The following NUP210L variants were observed in gnomAD, a reference collection of about 807,000 sequenced individuals.
NUP210L encodes nucleoporin 210 like.
Under a neutral mutation model 208.5 loss-of-function variants are expected in NUP210L, and 74 were observed. The observed-to-expected ratio is 0.35, with a 90% CI of 0.29 to 0.43. NUP210L has a LOEUF of 0.43. NUP210L is among the 20% of genes least tolerant of loss of function. NUP210L has a pLI of 1.00. For synonymous variants in NUP210L, 780 were observed against 816.9 expected, an observed-to-expected ratio of 0.95 and a Z score of 0.77; for missense variants, 1,843 against 2,289.4, an observed-to-expected ratio of 0.81 and a Z score of 3.98.
chr1:154,077,611 G>C (rs1227734326), intron 16 of NUP210L, among the ~76,000 whole-genome samples: 1 of 152,152 alleles, frequency 6.6e-6, no homozygotes, highest in Non-Finnish European at 1.5e-5. Flanking sequence ...ATCTGGAAAA[G>C]ATAATTACAT....
chr1:154,071,123 G>A lies in NUP210L; in HGVS notation c.2362-658C>T, dbSNP rs139671438. Reference sequence around the variant, plus strand: ...TTTTTTGTTTTTTTTTTGAGACAGGGTATCTCTCAGTTGCATGGGCTGGAG... The same window carrying A: ...TTTTTTGTTTTTTTTTTGAGACAGGATATCTCTCAGTTGCATGGGCTGGAG... On this transcript the variant is annotated intron_variant, in intron 16 of 39. Coordinates refer to ENST00000368559, the Ensembl canonical transcript of NUP210L. 2.9e-3 allele frequency among the ~76,000 whole-genome samples: 430 copies of A among 150,430 alleles called. 13 individuals are homozygous for A. In the East Asian group the frequency reaches 0.068, roughly 24 times the overall value.
At chr1:154,125,682 GAA>G (rs1282125372) in intron 10 of NUP210L, among the ~76,000 whole-genome samples, 296 of 6,262 alleles carry the variant, frequency 0.047, 18 homozygotes, top group Non-Finnish European at 0.13. Flanking sequence ...AGGAAGGAAG[GAA>G]GGAAGGAAGG....
At chr1:154,033,624 G>A (rs900305531) in intron 27 of NUP210L, among the ~76,000 whole-genome samples, 1 of 152,130 alleles carries the variant, frequency 6.6e-6, no homozygotes, top group African/African-American at 2.4e-5. Flanking sequence ...TTTTATGCAA[G>A]TGTCATTGCT....
At chr1:154,089,705 A>G in intron 15 of NUP210L, 111 bp from the exon 16 acceptor site, 1 of 843,734 alleles carries the variant, frequency 1.2e-6, no homozygotes. Flanking sequence ...AGTCCCTTTC[A>G]CATTATAATC....
intron 30 of NUP210L, among the ~76,000 whole-genome samples, chr1:154,025,334 TTTC>T (rs148066483): frequency 1.1e-4 from 16 of 146,998 alleles, no homozygotes; most frequent in South Asian, 2.2e-4. Flanking sequence ...TCCCAGAGAG[TTTC>T]TTCTTCTTCT....
chr1:154,027,082 AAAAAAAAAAAAAAAC>A (rs1173638166), intron 29 of NUP210L, among the ~76,000 whole-genome samples: 87 of 5,536 alleles, frequency 0.016, no homozygotes, highest in Non-Finnish European at 0.038. Context: ...GACTGTCTCA[AAAAAAAAAAAAAAAC>A]AAAAAAAAAA....
At chr1:154,140,075 G>T in intron 4 of NUP210L, 123 bp from the exon 5 acceptor site, 1 of 754,048 alleles carries the variant, frequency 1.3e-6, no homozygotes, top group Non-Finnish European at 2.1e-6. Flanking sequence ...TTTTGACTGG[G>T]CATGGTAGCT....
At chr1:154,027,725 C>A in intron 28 of NUP210L, 128 bp from the exon 29 acceptor site, 1 of 602,886 alleles carries the variant, frequency 1.7e-6, no homozygotes, top group South Asian at 2.2e-5. Flanking sequence ...CAACAGTCTG[C>A]CTAACTTCTA....
chr1:154,097,392 A>C (rs2148057465), intron 14 of NUP210L, among the ~76,000 whole-genome samples: 1 of 152,284 alleles, frequency 6.6e-6, no homozygotes, highest in East Asian at 1.9e-4. Context: ...CCTTTCCTTT[A>C]AGGACGACTT....
At chr1:154,111,186 C>T (rs186406991) in intron 12 of NUP210L, among the ~76,000 whole-genome samples, 47 of 151,406 alleles carry the variant, frequency 3.1e-4, no homozygotes, top group Non-Finnish European at 5.9e-4. Context: ...AGTTTGAGAC[C>T]AGCCCGGCCT....
intron 6 of NUP210L, among the ~76,000 whole-genome samples, chr1:154,137,358 C>T (rs1440925250): frequency 1.3e-5 from 2 of 152,066 alleles, no homozygotes; most frequent in African/African-American, 4.8e-5. Context: ...TGAGACCAGC[C>T]TGGCCAGCAT....
At chr1:154,003,319 T>G (rs1650324811) in intron 35 of NUP210L, among the ~76,000 whole-genome samples, 1 of 152,082 alleles carries the variant, frequency 6.6e-6, no homozygotes, top group African/African-American at 2.4e-5. Flanking sequence ...GCCATTCTCC[T>G]GCCTCAGCCT....
intron 25 of NUP210L, among the ~76,000 whole-genome samples, chr1:154,049,897 C>T (rs1353120845): frequency 2.6e-5 from 4 of 152,172 alleles, no homozygotes; most frequent in African/African-American, 9.7e-5. Context: ...TAAGCGTTTT[C>T]ATCGGAAAGT....
chr1:154,054,723 A>G, intron 24 of NUP210L, 47 bp downstream of exon 24: 1 of 1,247,634 alleles, frequency 8.0e-7, no homozygotes, highest in Non-Finnish European at 1.2e-6. Context: ...AGAGAGAGAG[A>G]GGTAAGGAGA....
At chr1:153,993,581 A>G (rs1294056289) in intron 38 of NUP210L, among the ~76,000 whole-genome samples, 5 of 148,286 alleles carry the variant, frequency 3.4e-5, no homozygotes, top group Non-Finnish European at 7.4e-5. Flanking sequence ...AAAAAAAAAA[A>G]GTGGGGAAAT....
chr1:154,025,515 T>G lies in NUP210L; in HGVS notation c.4122+27A>C, dbSNP rs1337707804. The G allele has an allele frequency of 7.7e-6, 11 of 1,435,758 alleles. No homozygotes were observed. The Admixed American group carries it at 2.0e-4, about 26-fold the overall frequency. 88.9% of individuals were successfully genotyped at this position (1,435,758 alleles called of 1,614,324 possible). A position where few individuals can be genotyped will look rare whatever the true frequency, so the allele number is the denominator to read the frequency against. ...CCAGGGTATGACTTTTATTTATTTG[T>G]TTTTTTTAGTAAGTCCATGAACTCA... On this transcript the variant is annotated intron_variant, in intron 30 of 39. Coordinates refer to ENST00000368559, the Ensembl canonical transcript of NUP210L.
intron 27 of NUP210L, chr1:154,039,918 T>C (rs1652772911): frequency 6.6e-6 from 1 of 152,208 alleles, no homozygotes; most frequent in African/African-American, 2.4e-5. Context: ...TCTCTACCTC[T>C]TAAATAGAAC....
chr1:154,146,800 A>G (rs184997859), intron 2 of NUP210L, among the ~76,000 whole-genome samples: 58 of 152,202 alleles, frequency 3.8e-4, no homozygotes, highest in African/African-American at 1.1e-3. Flanking sequence ...TCCAAGAGGC[A>G]AAGGTCACTT....
At chr1:154,117,577 C>T in intron 12 of NUP210L, 148 bp downstream of exon 12, 1 of 610,734 alleles carries the variant, frequency 1.6e-6, no homozygotes, top group Non-Finnish European at 2.7e-6. Context: ...AGAGCAACAT[C>T]TGTCTCCAAA....
Sources: gnomAD v4.1 joint callset for allele counts (sites outside exome capture counted in the v4.1 genomes callset) on GRCh38, gnomAD v4.1.1 for gene constraint, MANE v1.5 for transcripts, NCBI Gene and HGNC (gene_info 2026-07-23, HGNC 2026-07-21) for gene names.